CLASP1: variants seen among roughly 807,000 people sequenced by gnomAD.
The protein encoded by CLASP1 is CLIP-associating protein 1.
CLASP1 carries 38 observed loss-of-function variants against 192.3 expected under a neutral mutation model. That is an observed-to-expected ratio of 0.20 (90% CI 0.15 to 0.26). CLASP1 has a LOEUF of 0.26. Ranked by LOEUF, CLASP1 falls within the 10% of genes least tolerant of loss-of-function variation. CLASP1 has a pLI of 1.00. For synonymous variants in CLASP1, 691 were observed against 712.8 expected, an observed-to-expected ratio of 0.97 and a Z score of 0.49; for missense variants, 1,433 against 1,932.5, an observed-to-expected ratio of 0.74 and a Z score of 4.85.
At chr2:121,376,425 A>G (rs2070150045) in intron 34 of CLASP1, among the ~76,000 whole-genome samples, 1 of 151,906 alleles carries the variant, frequency 6.6e-6, no homozygotes, top group Admixed American at 6.6e-5. Context: ...GAGGTACATT[A>G]AGACCGAAAT....
rs144526709 is a variant in CLASP1, at chr2:121,523,013, C to T, written c.546+2832G>A. Among the ~76,000 whole-genome samples, 231 of 152,266 alleles carry T rather than the reference C, an allele frequency of 1.5e-3. 1 individual carries two copies. Among genetic ancestry groups the T allele is most frequent in the Admixed American group, 0.014 (208 of 15,296 alleles). ...GGTCACACCAGCACCTAAGAATATT[C>T]ACTTGCAAGGACTCTCATAAGGATT... On this transcript the variant is annotated intron_variant, in intron 6 of 39. Transcript: ENST00000263710.
intron 6 of CLASP1, among the ~76,000 whole-genome samples, chr2:121,520,437 G>A (rs2094432088): frequency 6.6e-6 from 1 of 152,176 alleles, no homozygotes; most frequent in South Asian, 2.1e-4. Context: ...GTGCCCAAGA[G>A]CCCACCCCTG....
intron 9 of CLASP1, among the ~76,000 whole-genome samples, chr2:121,465,500 A>G (rs576943478): frequency 0.013 from 2,049 of 152,248 alleles, 42 homozygotes; most frequent in African/African-American, 0.046. Context: ...ACTACAAACC[A>G]CTGCTCAATG....
At chr2:121,355,192 A>G (rs931126493) in intron 37 of CLASP1, among the ~76,000 whole-genome samples, 5 of 152,144 alleles carry the variant, frequency 3.3e-5, no homozygotes, top group African/African-American at 1.2e-4. Flanking sequence ...TCTGTTGCCC[A>G]GGCTGGAGTG....
At chr2:121,445,470 C>T in intron 19 of CLASP1, 1 of 1,289,510 alleles carries the variant, frequency 7.8e-7, no homozygotes, top group Non-Finnish European at 1.0e-6. Flanking sequence ...CCTATGTACT[C>T]CATGTCTTCC....
chr2:121,567,753 G>C (rs186880087), intron 2 of CLASP1, among the ~76,000 whole-genome samples: 30 of 152,300 alleles, frequency 2.0e-4, no homozygotes, highest in Non-Finnish European at 3.8e-4. Flanking sequence ...CTCTCATCAT[G>C]CTATGACTAA....
At chr2:121,631,508 G>C (rs1355297314) in intron 1 of CLASP1, among the ~76,000 whole-genome samples, 4 of 151,832 alleles carry the variant, frequency 2.6e-5, no homozygotes, top group Non-Finnish European at 5.9e-5. Flanking sequence ...GGATGGTCTC[G>C]ATCTCTTGAC....
rs183125466 is a variant in CLASP1 at position 121,476,474 on chromosome 2, A to G, written c.713-6514T>C. ...TTCAAGTCTGGTGTCTGGAACTTGT[A>G]ATTAGAAGCTTTGGGCCATACTGTT... On this transcript the variant is annotated intron_variant, in intron 8 of 39. Coordinates refer to ENST00000263710, the Ensembl canonical transcript of CLASP1. Among the ~76,000 whole-genome samples the G allele has an allele frequency of 4.1e-4, 62 of 152,354 alleles. 2 individuals carry two copies. The highest frequency in any genetic ancestry group is 1.4e-3 in the African/African-American group (59 of 41,582).
intron 39 of CLASP1, 57 bp downstream of exon 40, chr2:121,346,981 T>C: frequency 9.1e-7 from 1 of 1,101,276 alleles, no homozygotes; most frequent in Non-Finnish European, 1.3e-6. Flanking sequence ...CAAATGGATT[T>C]ATGACAAGCT....
chr2:121,412,060 TC>T (rs1465597015), intron 23 of CLASP1, among the ~76,000 whole-genome samples: 1 of 152,166 alleles, frequency 6.6e-6, no homozygotes, highest in African/African-American at 2.4e-5. Context: ...AATTGATCTT[TC>T]CTATAAAACA....
chr2:121,397,297 TAATTA>T lies in CLASP1; in HGVS notation c.2980-19_2980-15del. On this transcript the variant is annotated splice_polypyrimidine_tract_variant and intron_variant, in intron 29 of 39. Transcript: ENST00000263710. ...TGCAACTTTGACCTGAAAGAACCAA[TAATTA>T]TAAACATTAAGTACACTTGATGAAT... 1 of 1,610,274 alleles carries T rather than the reference TAATTA, an allele frequency of 6.2e-7. No individual in the cohort carries two copies. Among genetic ancestry groups the T allele is most frequent in the Non-Finnish European group, 8.5e-7 (1 of 1,177,096 alleles).
chr2:121,565,489 T>C (rs1474006856), intron 2 of CLASP1, among the ~76,000 whole-genome samples: 1 of 152,202 alleles, frequency 6.6e-6, no homozygotes, highest in Admixed American at 6.5e-5. Context: ...AAATTTGTTT[T>C]TAAACCCTCT....
At chr2:121,525,882 G>A in exon 6 of CLASP1, 1 of 1,613,456 alleles carries the variant, frequency 6.2e-7, no homozygotes, top group Non-Finnish European at 8.5e-7. Flanking sequence ...GCATATATGT[G>A]GCACAATCTT....
intron 8 of CLASP1, among the ~76,000 whole-genome samples, chr2:121,482,742 T>C (rs750558212): frequency 4.6e-5 from 7 of 152,190 alleles, no homozygotes; most frequent in Non-Finnish European, 7.3e-5. Context: ...ACACTCACAC[T>C]GAAACATCCA....
intron 37 of CLASP1, among the ~76,000 whole-genome samples, chr2:121,360,536 G>A (rs17006394): frequency 0.21 from 32,147 of 151,090 alleles, 6,532 homozygotes; most frequent in African/African-American, 0.53. Context: ...CCTAAAAAAT[G>A]GCAAGAAGGA....
chr2:121,405,420 G>T (rs2076760623), intron 25 of CLASP1, among the ~76,000 whole-genome samples: 1 of 152,190 alleles, frequency 6.6e-6, no homozygotes. Flanking sequence ...AGGATTAAAA[G>T]ATAAAACATT....
At chr2:121,444,324 G>A (rs189462677) in intron 19 of CLASP1, among the ~76,000 whole-genome samples, 441 of 152,248 alleles carry the variant, frequency 2.9e-3, no homozygotes, top group Non-Finnish European at 4.5e-3. Flanking sequence ...TTTAATACAC[G>A]GTTGATGAGG....
chr2:121,645,712 G>A (rs967743600), intron 1 of CLASP1, among the ~76,000 whole-genome samples: 1 of 152,146 alleles, frequency 6.6e-6, no homozygotes, highest in African/African-American at 2.4e-5. Context: ...GAAACTTCCA[G>A]GCAGGAAACA....
At chr2:121,598,072 G>T (rs1320543396) in intron 2 of CLASP1, among the ~76,000 whole-genome samples, 1 of 152,222 alleles carries the variant, frequency 6.6e-6, no homozygotes, top group African/African-American at 2.4e-5. Context: ...AATGAGGACA[G>T]CCATATTCAA....
Sources: allele counts gnomAD v4.1 joint callset (sites outside exome capture counted in the v4.1 genomes callset), GRCh38; gene constraint gnomAD v4.1.1; transcripts MANE v1.5; gene names NCBI Gene and HGNC (gene_info 2026-07-23, HGNC 2026-07-21).